The following KAT7 variants were observed in gnomAD, a reference collection of about 807,000 sequenced individuals.
KAT7 encodes histone acetyltransferase KAT7.
A neutral mutation model predicts 82.1 loss-of-function variants in KAT7; 10 were observed. That is an observed-to-expected ratio of 0.12 (90% CI 0.08 to 0.21). KAT7 has a LOEUF of 0.21. Ranked by LOEUF, KAT7 falls within the 10% of genes least tolerant of loss-of-function variation. The pLI is 1.00. For synonymous variants in KAT7, 250 were observed against 262.5 expected (o/e 0.95, Z 0.46); for missense variants, 378 against 760.9 (o/e 0.50, Z 5.92).
At position 49,805,350 on chromosome 17, in the gene KAT7, C is replaced by T. The variant is rs1301025750; in HGVS notation, c.581-13C>T. On this transcript the variant is annotated splice_polypyrimidine_tract_variant and intron_variant, in intron 4 of 14. Coordinates refer to ENST00000259021, the MANE Select transcript of KAT7 (RefSeq NM_007067.5). Reference sequence around the variant, plus strand: ...TCTTCTTTCTTGAGATTAAGTTTTCCCTCCTTTAACAGGACACCTTACAGG... The same window carrying T: ...TCTTCTTTCTTGAGATTAAGTTTTCTCTCCTTTAACAGGACACCTTACAGG... 1.9e-6 allele frequency: 3 copies of T among 1,578,866 alleles called. No individual in the cohort carries two copies. The highest frequency in any genetic ancestry group is 1.7e-4 in the Middle Eastern group (1 of 5,984).
At chr17:49,817,324 T>C (rs1181407786) in intron 8 of KAT7, among the ~76,000 whole-genome samples, 11 of 152,194 alleles carry the variant, frequency 7.2e-5, no homozygotes, top group Admixed American at 3.9e-4. Flanking sequence ...ACCTGTGCTC[T>C]GGGCAGTATG....
chr17:49,809,033 C>T, intron 5 of KAT7, 86 bp from the exon 6 acceptor site: 2 of 1,004,042 alleles, frequency 2.0e-6, no homozygotes, highest in East Asian at 2.5e-5. Context: ...CAACATAAAT[C>T]CAAGGCATTA....
chr17:49,792,876 A>G (rs896531038), intron 2 of KAT7, among the ~76,000 whole-genome samples: 5 of 151,966 alleles, frequency 3.3e-5, no homozygotes, highest in Non-Finnish European at 5.9e-5. Flanking sequence ...CAGTGGTGTG[A>G]TCTTGGCTCA....
intron 11 of KAT7, 118 bp downstream of exon 11, chr17:49,821,908 T>C: frequency 1.2e-6 from 1 of 811,636 alleles, no homozygotes; most frequent in Non-Finnish European, 2.0e-6. Flanking sequence ...ATGACACCCC[T>C]TCCTTAAATT....
At chr17:49,820,974 T>G (rs556692645) in intron 9 of KAT7, among the ~76,000 whole-genome samples, 1 of 152,248 alleles carries the variant, frequency 6.6e-6, no homozygotes, top group East Asian at 1.9e-4. Flanking sequence ...CACCCTAAGC[T>G]GCTGGAAATA....
At chr17:49,805,278 CA>C in intron 4 of KAT7, 84 bp from the exon 5 acceptor site, 1 of 898,042 alleles carries the variant, frequency 1.1e-6, no homozygotes, top group Non-Finnish European at 1.8e-6. Flanking sequence ...AATGATGTAG[CA>C]AAAAAACAGG....
chr17:49,825,909 C>T, intron 12 of KAT7, 91 bp from the exon 13 acceptor site: 5 of 1,377,800 alleles, frequency 3.6e-6, no homozygotes, highest in Non-Finnish European at 5.0e-6. Context: ...GACTGTGCTT[C>T]TTAAACCTTC....
chr17:49,816,925 C>T (rs1182216819), intron 8 of KAT7, among the ~76,000 whole-genome samples: 1 of 152,112 alleles, frequency 6.6e-6, no homozygotes, highest in Non-Finnish European at 1.5e-5. Context: ...GATTCTCCCA[C>T]GTCAGCCTCC....
intron 5 of KAT7, among the ~76,000 whole-genome samples, chr17:49,808,389 G>T (rs1251766894): frequency 6.6e-6 from 1 of 150,782 alleles, no homozygotes; most frequent in Non-Finnish European, 1.5e-5. Flanking sequence ...CAAAGTGCTG[G>T]GATTACAGAT....
At chr17:49,791,811 GTTTTA>G in intron 1 of KAT7, 70 bp from the exon 2 acceptor site, 1 of 1,472,326 alleles carries the variant, frequency 6.8e-7, no homozygotes, top group South Asian at 1.2e-5. Context: ...GTCACAGCTT[GTTTTA>G]TTTTCAATGT....
chr17:49,799,121 G>A (rs745344365), intron 4 of KAT7, among the ~76,000 whole-genome samples: 1 of 152,144 alleles, frequency 6.6e-6, no homozygotes, highest in Non-Finnish European at 1.5e-5. Flanking sequence ...ATTCTTATGA[G>A]TTTTACCCCT....
At chr17:49,814,190 C>T (rs1200585851) in intron 7 of KAT7, among the ~76,000 whole-genome samples, 1 of 152,166 alleles carries the variant, frequency 6.6e-6, no homozygotes, top group Non-Finnish European at 1.5e-5. Flanking sequence ...GCACACCTGG[C>T]CTGTATTTAC....
At position 49,826,762 on chromosome 17, in the gene KAT7, A is replaced by G. The variant is rs2074373293; in HGVS notation, c.1697A>G (p.Lys566Arg). 5 of 1,612,282 alleles carry G rather than the reference A, an allele frequency of 3.1e-6. No homozygotes were observed. Among genetic ancestry groups the G allele is most frequent in the Admixed American group, 1.7e-5 (1 of 59,998 alleles). The part of the protein sequence containing the change: ...VSTLQALQML[K>R]YWKGKHLVLK... Reference sequence around the variant, plus strand: ...ACTCTGCAAGCCCTTCAGATGCTCAAATACTGGAAGGGAAAACACCTAGTT... The same window carrying G: ...ACTCTGCAAGCCCTTCAGATGCTCAGATACTGGAAGGGAAAACACCTAGTT... Residue 566 changes from lysine to arginine, a missense_variant, in exon 14 of 15, where the codon AAA (lysine) becomes AGA (arginine). Lys to Arg is a conservative substitution (Grantham distance 26). Around this residue, in one of 6 missense-constraint regions of KAT7, gnomAD observed 44 missense variants for 102.2 expected, o/e 0.43. Transcript: ENST00000259021.
At position 49,788,940 on chromosome 17, in the gene KAT7, C is replaced by T. The variant is rs1229523222; in HGVS notation, c.15+91C>T. 4.9e-6 allele frequency: 6 copies of T among 1,234,314 alleles called. No individual in the cohort carries two copies. The African/African-American group carries it at 6.3e-5, about 13-fold the overall frequency. The allele number at this position is 1,234,314 out of a possible 1,614,324, so 76.5% of individuals were successfully genotyped here. On this transcript the variant is annotated intron_variant, in intron 1 of 14. Coordinates refer to ENST00000259021, the MANE Select transcript of KAT7 (RefSeq NM_007067.5). Reference sequence around the variant, plus strand: ...TGGCCACGCCTCACAGTGCTTGGGTCCCAACTTTCCGCTCCCCCGAACCTT... The same window carrying T: ...TGGCCACGCCTCACAGTGCTTGGGTTCCAACTTTCCGCTCCCCCGAACCTT...
At chr17:49,794,656 C>T (rs1401217161) in intron 2 of KAT7, among the ~76,000 whole-genome samples, 1 of 152,204 alleles carries the variant, frequency 6.6e-6, no homozygotes, top group African/African-American at 2.4e-5. Context: ...TTATTCTCGG[C>T]AGATGGAACA....
intron 12 of KAT7, chr17:49,824,783 G>A (rs2074348955): frequency 6.6e-6 from 1 of 152,072 alleles, no homozygotes; most frequent in Non-Finnish European, 1.5e-5. Flanking sequence ...AAATTTTTAA[G>A]CATTAACAAA....
At chr17:49,799,789 A>G (rs528913224) in intron 4 of KAT7, among the ~76,000 whole-genome samples, 1 of 150,240 alleles carries the variant, frequency 6.7e-6, no homozygotes, top group East Asian at 2.0e-4. Context: ...CAGCCTCCCA[A>G]GTAGCTGGGA....
chr17:49,798,172 T>C, intron 3 of KAT7, 147 bp from the exon 4 acceptor site: 1 of 678,242 alleles, frequency 1.5e-6, no homozygotes, highest in East Asian at 2.7e-5. Flanking sequence ...GCCTCTTCAT[T>C]TTCCATTTAG....
At position 49,832,628 on chromosome 17, in the gene KAT7, A is replaced by G. The variant is rs2074433635; in HGVS notation, c.*5126A>G. Reference sequence around the variant, plus strand: ...TCCTTTTACCATACAACCCTCAACTAGTTTAGTGTGCTCAAGCTCAAATAA... The same window carrying G: ...TCCTTTTACCATACAACCCTCAACTGGTTTAGTGTGCTCAAGCTCAAATAA... On this transcript the variant is annotated 3_prime_UTR_variant, in exon 15 of 15. Coordinates refer to ENST00000259021, the MANE Select transcript of KAT7 (RefSeq NM_007067.5). The G allele has an allele frequency of 6.6e-6, 1 of 152,194 alleles. No individual in the cohort carries two copies. The highest frequency in any genetic ancestry group is 2.4e-5 in the African/African-American group (1 of 41,454). The allele number at this position is 152,194 out of a possible 1,614,324, so 9.4% of individuals were successfully genotyped here. A position where few individuals can be genotyped will look rare whatever the true frequency, so the allele number is the denominator to read the frequency against.
Sources: gnomAD v4.1 joint callset for allele counts (sites outside exome capture counted in the v4.1 genomes callset) on GRCh38, gnomAD v4.1.1 for gene constraint, gnomAD v4.1.1 regional missense constraint, MANE v1.5 for transcripts, NCBI Gene and HGNC (gene_info 2026-07-23, HGNC 2026-07-21) for gene names.